Variants in EVC2 observed in about 807,000 individuals in gnomAD.
EVC2 encodes limbin.
Under a neutral mutation model 149.3 loss-of-function variants are expected in EVC2, and 148 were observed. That is an observed-to-expected ratio of 0.99 (90% CI 0.87 to 1.14). EVC2 has a LOEUF of 1.14. Among genes scored for constraint, EVC2 ranks in the 50% most tolerant of loss-of-function variants. EVC2 has a pLI of 0.00. For missense variants in EVC2, 1,854 were observed against 1,627.3 expected (o/e 1.14, Z -2.40); for synonymous variants, 776 against 649.9 (o/e 1.19, Z -2.95).
intron 21 of EVC2, among the ~76,000 whole-genome samples, chr4:5,564,020 G>A (rs1722116060): frequency 6.6e-6 from 1 of 151,978 alleles, no homozygotes; most frequent in Admixed American, 6.6e-5. Flanking sequence ...CATCCTGAAA[G>A]CCACAGCGCT....
At chr4:5,573,935 C>T (rs989330737) in intron 19 of EVC2, among the ~76,000 whole-genome samples, 2 of 152,196 alleles carry the variant, frequency 1.3e-5, no homozygotes, top group Non-Finnish European at 2.9e-5. Context: ...TGAGAAAGAA[C>T]GGGCATGGTG....
intron 21 of EVC2, among the ~76,000 whole-genome samples, chr4:5,546,254 C>T (rs531998501): frequency 5.1e-4 from 77 of 152,278 alleles, no homozygotes; most frequent in African/African-American, 1.6e-3. Flanking sequence ...GCTATAAAGG[C>T]ACATGCATAC....
the EVC2 span, among the ~76,000 whole-genome samples, chr4:5,531,325 G>A: frequency 4.6e-5 from 7 of 152,210 alleles, no homozygotes; most frequent in East Asian, 1.9e-4. Context: ...AGGACCCCTC[G>A]CAGATATAAT....
rs1324524641 is a variant in EVC2 at position 5,640,869 on chromosome 4, T to C, written c.1146-31A>G. 6.2e-7 allele frequency: 1 copy of C among 1,612,864 alleles called. No homozygotes were observed. Among genetic ancestry groups the C allele is most frequent in the Non-Finnish European group, 8.5e-7 (1 of 1,179,066 alleles). ...AAACACAAAAATCAAAAGAATTCCA[T>C]TACATGAAATTGCAACAGAAACCAA... On this transcript the variant is annotated intron_variant, in intron 9 of 21. Coordinates refer to ENST00000344408, the MANE Select transcript of EVC2 (RefSeq NM_147127.5). This position sits in a 1 kb window ranked among gnomAD's most constrained non-coding sequence, Gnocchi z 4.6.
At chr4:5,542,260 T>C (rs1721527507), downstream of EVC2, among the ~76,000 whole-genome samples, 1 of 152,132 alleles carries the variant, frequency 6.6e-6, no homozygotes, top group Admixed American at 6.5e-5. Flanking sequence ...GAGACCAGCC[T>C]GGGAAACGTG....
chr4:5,572,021 C>T (rs1197934070), intron 19 of EVC2, among the ~76,000 whole-genome samples: 2 of 152,196 alleles, frequency 1.3e-5, no homozygotes, highest in Non-Finnish European at 2.9e-5. Flanking sequence ...TTGGACTCAT[C>T]GGCCTCCACA....
rs144692804 is a variant in EVC2, at chr4:5,689,321, T to A, written c.542A>T (p.Gln181Leu). 1 of 1,614,172 alleles carries A rather than the reference T, an allele frequency of 6.2e-7. No homozygotes were observed. The highest frequency in any genetic ancestry group is 8.5e-7 in the Non-Finnish European group (1 of 1,180,032). The change falls in exon 5 of 22, where the codon CAG (glutamine) becomes CTG (leucine). Residue 181 changes from glutamine (Q) to leucine (L), a missense_variant. By Grantham distance (113) the Gln-to-Leu change is moderately radical. Coordinates refer to ENST00000344408, the MANE Select transcript of EVC2 (RefSeq NM_147127.5). ...AACAAGCAGCCATATGCGGGCTGTC[T>A]GTGCTTCACTCGACCCAGACACCTA... ...CALVSGSSEA[Q>L]TARIWLLVNN...
In EVC2 at chr4:5,614,151, G is replaced by C. The variant is rs568803193; in HGVS notation, c.2829+1271C>G. 3.5e-4 allele frequency among the ~76,000 whole-genome samples: 54 copies of C among 152,308 alleles called. No individual in the cohort carries two copies. The highest frequency in any genetic ancestry group is 1.3e-3 in the African/African-American group (54 of 41,562). ...GCGGTCACACAGCGTCTACTCTTAA[G>C]CAGCACCTTTGCAGAGGAGACCCTG... On this transcript the variant is annotated intron_variant, in intron 16 of 21. Transcript: ENST00000344408. This position sits in a 1 kb window ranked among gnomAD's most constrained non-coding sequence, Gnocchi z 4.7.
rs1239277359 is a variant in EVC2, at chr4:5,584,823, C to T, written c.2857G>A (p.Val953Met). 1.2e-5 allele frequency: 19 copies of T among 1,614,224 alleles called. No individual in the cohort carries two copies. The highest frequency in any genetic ancestry group is 1.6e-5 in the Non-Finnish European group (19 of 1,180,042). ...CCCTCCTGTGCCTCCATCCGCTGCA[C>T]TCTCTCCCGCAGCAATTCACCTCGA... ...KVRGELLRER[V>M]QRMEAQEGGF... is the part of the protein sequence containing the mutation. Residue 953 changes from valine to methionine, a missense_variant, in exon 17 of 22, where the codon GTG (valine) becomes ATG (methionine). By Grantham distance (21) the Val-to-Met change is conservative. Transcript: ENST00000344408.
rs1367924126 is a variant in EVC2, at chr4:5,640,708, T to C, written c.1276A>G (p.Arg426Gly). ...TTTTTGAAAACAGCACTCATTTTTC[T>C]CTCTACTTGGGGTGAGAGGTGGCCA... ...SSGHLSPQVERKMSAVFKKQF... is the reference protein window; with the variant it reads ...SSGHLSPQVEGKMSAVFKKQF... Residue 426 changes from arginine (R) to glycine (G), a missense_variant, in exon 10 of 22, where the codon AGA becomes GGA. By Grantham distance (125) the Arg-to-Gly change is moderately radical. Transcript: ENST00000344408. The surrounding 1 kb of genome is among the most constrained non-coding windows in gnomAD (Gnocchi z 4.6). 1.2e-6 allele frequency: 2 copies of C among 1,614,048 alleles called. No individual in the cohort carries two copies. The highest frequency in any genetic ancestry group is 1.7e-6 in the Non-Finnish European group (2 of 1,180,044).
intron 3 of EVC2, among the ~76,000 whole-genome samples, 179 bp downstream of exon 3, chr4:5,694,156 C>T (rs1034927565): frequency 6.6e-6 from 1 of 152,158 alleles, no homozygotes; most frequent in Non-Finnish European, 1.5e-5. Context: ...TGTTGTGTAG[C>T]AGAAATAGCA....
In EVC2 at chr4:5,697,798, T is replaced by G. The variant is rs112470838; in HGVS notation, c.229-151A>C. 1,356 of 692,682 alleles carry G rather than the reference T, an allele frequency of 2.0e-3. 9 individuals carry two copies. In the African/African-American group the frequency reaches 0.021, roughly 11 times the overall value. The allele number at this position is 692,682 out of a possible 1,614,324, so 42.9% of individuals were successfully genotyped here. A position where few individuals can be genotyped will look rare whatever the true frequency, so the allele number is the denominator to read the frequency against. The stretch of plus-strand genomic sequence containing the variant: ...TCTTGCTCTGTCACCCAGGCTGCAG[T>G]GCAGTGGCGCGATCTCGACTTACTA... On this transcript the variant is annotated intron_variant, in intron 1 of 21. Transcript: ENST00000344408.
intron 7 of EVC2, among the ~76,000 whole-genome samples, chr4:5,669,203 G>T (rs554559736): frequency 1.3e-5 from 2 of 152,342 alleles, no homozygotes; most frequent in African/African-American, 4.8e-5. Flanking sequence ...CTGCAGAACT[G>T]TGAGAAAATT....
At chr4:5,605,045 T>G (rs1236384764) in intron 16 of EVC2, among the ~76,000 whole-genome samples, 1 of 152,176 alleles carries the variant, frequency 6.6e-6, no homozygotes, top group Non-Finnish European at 1.5e-5. Context: ...AAATATACTT[T>G]CTCTTCCTCA....
intron 6 of EVC2, among the ~76,000 whole-genome samples, chr4:5,683,292 G>A (rs929218343): frequency 6.6e-6 from 1 of 152,220 alleles, no homozygotes; most frequent in African/African-American, 2.4e-5. Flanking sequence ...CTGAGGCTAA[G>A]TTCAGAGCCC....
chr4:5,681,295 C>G lies in EVC2; in HGVS notation c.835G>C (p.Val279Leu). 1 of 1,614,250 alleles carries G rather than the reference C, an allele frequency of 6.2e-7. No homozygotes were observed. The highest frequency in any genetic ancestry group is 8.5e-7 in the Non-Finnish European group (1 of 1,180,048). The change falls in exon 7 of 22, where the codon GTG becomes CTG. Residue 279 changes from valine to leucine, a missense_variant. By Grantham distance (32) the Val-to-Leu change is conservative. Coordinates refer to ENST00000344408, the MANE Select transcript of EVC2 (RefSeq NM_147127.5). ...TCTTCTGCTGTTATGGAAAAAAGCA[C>G]TTTCAGCTGTGTTCTGTTCTAGAAA... The part of the protein sequence containing the change: ...SSSRNRTQLK[V>L]LFSITAEENV...
chr4:5,532,965 G>T, the EVC2 span, among the ~76,000 whole-genome samples: 1 of 151,406 alleles, frequency 6.6e-6, no homozygotes, highest in South Asian at 2.1e-4. Context: ...CTGCAAAGAA[G>T]AGGAATAAAG....
At chr4:5,651,230 G>A (rs536981489) in intron 9 of EVC2, among the ~76,000 whole-genome samples, 1 of 132,620 alleles carries the variant, frequency 7.5e-6, no homozygotes, top group East Asian at 2.2e-4. Flanking sequence ...GATTGGATGG[G>A]TAGATGAAGT....
chr4:5,685,323 C>G (rs1418972349), intron 6 of EVC2, 47 bp downstream of exon 6: 6 of 1,572,140 alleles, frequency 3.8e-6, no homozygotes, highest in East Asian at 2.2e-5. Context: ...CTAAAACAAC[C>G]TCTCTTGGCA....
Sources: allele counts gnomAD v4.1 joint callset (sites outside exome capture counted in the v4.1 genomes callset), GRCh38; gene constraint gnomAD v4.1.1; non-coding constraint Gnocchi (gnomAD v3.1); transcripts MANE v1.5; gene names NCBI Gene and HGNC (gene_info 2026-07-23, HGNC 2026-07-21).